SDCCAG8: variants seen among roughly 807,000 people sequenced by gnomAD.
SDCCAG8 encodes the protein serologically defined colon cancer antigen 8.
Under a neutral mutation model 101.8 loss-of-function variants are expected in SDCCAG8, and 74 were observed. The observed-to-expected ratio is 0.73, with a 90% CI of 0.60 to 0.88. The LOEUF (loss-of-function observed/expected upper bound fraction) is 0.88, where lower values mean the gene tolerates loss of function less well. SDCCAG8 is among the 40% of genes least tolerant of loss of function. The pLI is 0.00. For missense variants in SDCCAG8, 787 were observed against 822.6 expected, an observed-to-expected ratio of 0.96 and a Z score of 0.53; for synonymous variants, 281 against 292.9, an observed-to-expected ratio of 0.96 and a Z score of 0.41.
intron 1 of SDCCAG8, among the ~76,000 whole-genome samples, chr1:243,265,801 A>C (rs1233247098): frequency 6.6e-6 from 1 of 151,710 alleles, no homozygotes; most frequent in Non-Finnish European, 1.5e-5. Flanking sequence ...GACAACAGGG[A>C]GACTTCGTCT....
chr1:243,426,426 G>A lies in SDCCAG8; in HGVS notation c.1854-1G>A. 1 of 1,612,730 alleles carries A rather than the reference G, an allele frequency of 6.2e-7. No homozygotes were observed. The highest frequency in any genetic ancestry group is 1.1e-5 in the South Asian group (1 of 90,980). On this transcript the variant is annotated splice_acceptor_variant, in intron 15 of 17. Transcript: ENST00000366541. LOFTEE classifies it high-confidence loss of function. The stretch of plus-strand genomic sequence containing the variant: ...TATTATTTTTGTGTTTTCACCTCTA[G>A]ATCTGAAATAGCTCAACTCAGTCAA...
At chr1:243,444,900 G>A (rs1036743176) in intron 16 of SDCCAG8, among the ~76,000 whole-genome samples, 6 of 152,020 alleles carry the variant, frequency 3.9e-5, no homozygotes, top group African/African-American at 1.4e-4. Flanking sequence ...TAGATAGCAT[G>A]GACATTTAAG....
chr1:243,310,404 C>T (rs912394993), intron 8 of SDCCAG8, among the ~76,000 whole-genome samples: 5 of 152,024 alleles, frequency 3.3e-5, no homozygotes, highest in African/African-American at 4.8e-5. Flanking sequence ...TTATTACCCC[C>T]GTTTTATAGC....
chr1:243,449,171 G>A (rs2083167481), intron 16 of SDCCAG8, among the ~76,000 whole-genome samples: 1 of 152,098 alleles, frequency 6.6e-6, no homozygotes, highest in African/African-American at 2.4e-5. Flanking sequence ...GCTCTACTTA[G>A]GCTATTTAAC....
At chr1:243,498,627 T>C (rs1341413629) in intron 17 of SDCCAG8, among the ~76,000 whole-genome samples, 3 of 152,250 alleles carry the variant, frequency 2.0e-5, no homozygotes, top group Non-Finnish European at 2.9e-5. Context: ...TAAACATTAC[T>C]TTTTCTCATT....
At chr1:243,291,386 C>T (rs915579011) in intron 5 of SDCCAG8, among the ~76,000 whole-genome samples, 1 of 152,152 alleles carries the variant, frequency 6.6e-6, no homozygotes, top group Admixed American at 6.5e-5. Context: ...TAGTGTTTCA[C>T]ATGAAGGACC....
At chr1:243,431,121 C>T (rs936836678) in intron 16 of SDCCAG8, among the ~76,000 whole-genome samples, 7 of 152,066 alleles carry the variant, frequency 4.6e-5, no homozygotes, top group Non-Finnish European at 8.8e-5. Flanking sequence ...CACTTGAACC[C>T]GGGAGGCGGA....
intron 12 of SDCCAG8, chr1:243,346,320 A>G (rs1309797248): frequency 6.5e-6 from 1 of 154,340 alleles, no homozygotes; most frequent in East Asian, 1.9e-4. Context: ...TTGAGCATTT[A>G]TCTGAAATAC....
chr1:243,485,086 AG>A (rs1664536130), intron 16 of SDCCAG8, among the ~76,000 whole-genome samples: 2 of 151,796 alleles, frequency 1.3e-5, no homozygotes, highest in South Asian at 4.2e-4. Context: ...AGAGGTGTTT[AG>A]CAAGGCTTGG....
At chr1:243,378,657 G>A in intron 12 of SDCCAG8, 64 bp from the exon 13 acceptor site, 1 of 1,538,950 alleles carries the variant, frequency 6.5e-7, no homozygotes, top group Non-Finnish European at 8.9e-7. Context: ...ATAAAAATGA[G>A]CTAATTTTGA....
chr1:243,455,265 C>T (rs1024476285), intron 16 of SDCCAG8, among the ~76,000 whole-genome samples: 1 of 152,024 alleles, frequency 6.6e-6, no homozygotes, highest in African/African-American at 2.4e-5. Context: ...TTCCATCTAT[C>T]TTTATTTTTG....
At chr1:243,328,897 A>G (rs1451931607) in intron 9 of SDCCAG8, among the ~76,000 whole-genome samples, 2 of 152,124 alleles carry the variant, frequency 1.3e-5, no homozygotes, top group Non-Finnish European at 2.9e-5. Context: ...TGCTGTTCCT[A>G]TACTTAATGA....
At chr1:243,307,621 T>G (rs1475847869) in intron 7 of SDCCAG8, 3 of 985,204 alleles carry the variant, frequency 3.0e-6, no homozygotes, top group Non-Finnish European at 3.6e-6. Flanking sequence ...CACCCCTTTT[T>G]TAAGGAAAAT....
chr1:243,454,024 GCAGT>G (rs1221271604), intron 16 of SDCCAG8, among the ~76,000 whole-genome samples: 2 of 152,070 alleles, frequency 1.3e-5, no homozygotes, highest in Admixed American at 1.3e-4. Flanking sequence ...TTAACTTCAA[GCAGT>G]CACAAATTTG....
chr1:243,312,706 CA>C (rs34803859), intron 8 of SDCCAG8, among the ~76,000 whole-genome samples: 1,176 of 99,174 alleles, frequency 0.012, 14 homozygotes, highest in African/African-American at 0.036. Flanking sequence ...AACCTGTCTC[CA>C]AAAAAAAAAA....
At chr1:243,393,267 A>G (rs932137205) in intron 13 of SDCCAG8, among the ~76,000 whole-genome samples, 1 of 152,124 alleles carries the variant, frequency 6.6e-6, no homozygotes, top group Admixed American at 6.5e-5. Context: ...GGGCAGTGTT[A>G]GGTTGCTGGG....
At position 243,269,945 on chromosome 1, in the gene SDCCAG8, C is replaced by G. The variant is rs531901520; in HGVS notation, c.68-160C>G. On this transcript the variant is annotated intron_variant, in intron 1 of 17. Transcript: ENST00000366541. ...CATGAAGTTAATCTTCTCTCACCATCTTTGGCACATCCCTCAGCAAGCTAG... is the reference window on the plus strand; with the variant it reads ...CATGAAGTTAATCTTCTCTCACCATGTTTGGCACATCCCTCAGCAAGCTAG... The G allele has an allele frequency of 4.2e-6, 4 of 944,534 alleles. No homozygotes were observed. In the East Asian group the frequency reaches 7.8e-5, roughly 19 times the overall value. 58.5% of individuals were successfully genotyped at this position (944,534 alleles called of 1,614,324 possible). A position where few individuals can be genotyped will look rare whatever the true frequency, so the allele number is the denominator to read the frequency against.
chr1:243,334,338 T>C (rs1294909031), intron 10 of SDCCAG8, among the ~76,000 whole-genome samples: 1 of 152,194 alleles, frequency 6.6e-6, no homozygotes, highest in Non-Finnish European at 1.5e-5. Context: ...CAACCTTGAA[T>C]AAAATTTAGG....
chr1:243,271,382 A>G (rs1572879524), intron 3 of SDCCAG8, among the ~76,000 whole-genome samples: 1 of 149,320 alleles, frequency 6.7e-6, no homozygotes, highest in South Asian at 2.1e-4. Flanking sequence ...ATTATATGTC[A>G]GAATATATGT....
Sources: gnomAD v4.1 joint callset for allele counts (sites outside exome capture counted in the v4.1 genomes callset) on GRCh38, gnomAD v4.1.1 for gene constraint, MANE v1.5 for transcripts, NCBI Gene and HGNC (gene_info 2026-07-23, HGNC 2026-07-21) for gene names.